Variants in BCAR1 observed in about 807,000 individuals in gnomAD.
BCAR1 encodes the protein BCAR1 scaffold protein, Cas family member.
BCAR1 carries 30 observed loss-of-function variants against 67.6 expected under a neutral mutation model. The ratio of observed to expected loss-of-function variants is 0.44; its 90% CI spans 0.33 to 0.60. The LOEUF (loss-of-function observed/expected upper bound fraction) is 0.60. BCAR1 is among the 20% of genes least tolerant of loss of function. BCAR1 has a pLI of 0.02. For synonymous variants in BCAR1, 626 were observed against 556.7 expected, an observed-to-expected ratio of 1.12 and a Z score of -1.75; for missense variants, 1,313 against 1,222.3, an observed-to-expected ratio of 1.07 and a Z score of -1.11.
chr16:75,266,741 A>C lies in BCAR1; in HGVS notation c.66+1174T>G, dbSNP rs1046662924. On this transcript the variant is annotated intron_variant, in intron 1 of 6. Transcript: ENST00000393422. ...ACTCAAAGGAAGGACCAGGGGTCCGACCCCTCTGTTCTGCTTCCTGGGGAC... is the reference window on the plus strand; with the variant it reads ...ACTCAAAGGAAGGACCAGGGGTCCGCCCCCTCTGTTCTGCTTCCTGGGGAC... 1.0e-5 allele frequency: 15 copies of C among 1,443,648 alleles called. No individual in the cohort carries two copies. The African/African-American group carries it at 2.0e-4, about 19-fold the overall frequency. 89.4% of individuals were successfully genotyped at this position (1,443,648 alleles called of 1,614,324 possible). A position where few individuals can be genotyped will look rare whatever the true frequency, so the allele number is the denominator to read the frequency against.
Position 75,237,282 on chromosome 16 carries a change from G to C in BCAR1, c.696C>G (p.Asp232Glu). The change falls in exon 3 of 7, where the codon GAC becomes GAG. Residue 232 changes from aspartate to glutamate, a missense_variant. By Grantham distance (45) the Asp-to-Glu change is conservative. Around this residue, in one of 2 missense-constraint regions of BCAR1, gnomAD observed 1,272 missense variants for 1,137.5 expected, o/e 1.12. Coordinates refer to ENST00000162330, the MANE Select transcript of BCAR1 (RefSeq NM_014567.5). ...GCAGGTGTCGCGGGATGTCGTACTC[G>C]TCCTGCTCCGGCTGGGCGGCCTCGT... ...YVYEAAQPEQ[D>E]EYDIPRHLLA... 1 of 1,520,820 alleles carries C rather than the reference G, an allele frequency of 6.6e-7. No homozygotes were observed. The highest frequency in any genetic ancestry group is 8.8e-7 in the Non-Finnish European group (1 of 1,137,954). The allele number at this position is 1,520,820 out of a possible 1,614,324, so 94.2% of individuals were successfully genotyped here.
chr16:75,238,061 G>A, intron 2 of BCAR1: 1 of 1,289,000 alleles, frequency 7.8e-7, no homozygotes, highest in Non-Finnish European at 1.0e-6. Context: ...TGGGTCCAGG[G>A]CCAGCCCTCC....
Position 75,229,578 on chromosome 16 carries a change from C to A in BCAR1, c.2546G>T (p.Arg849Met). The change falls in exon 7 of 7, where the codon AGG becomes ATG. Residue 849 changes from arginine (R) to methionine (M), a missense_variant. Arg to Met is a moderately conservative substitution (Grantham distance 91). Coordinates refer to ENST00000162330, the MANE Select transcript of BCAR1 (RefSeq NM_014567.5). The part of the protein sequence containing the change: ...SPSAAQDMVE[R>M]VKELGHSTQQ... ...GGTGCTGTGGCCCAGCTCCTTGACC[C>A]TCTCCACCATGTCCTGGGCCGCGGA... 6.2e-7 allele frequency: 1 copy of A among 1,610,442 alleles called. No individual in the cohort carries two copies.
chr16:75,241,451 G>A (rs1245104849), intron 2 of BCAR1, among the ~76,000 whole-genome samples: 27 of 152,202 alleles, frequency 1.8e-4, no homozygotes, highest in Middle Eastern at 3.4e-3. Flanking sequence ...GCTCCCTGCC[G>A]CCTCCCCAGG....
intron 1 of BCAR1, among the ~76,000 whole-genome samples, chr16:75,267,683 A>C (rs1597299837): frequency 1.5e-4 from 22 of 146,212 alleles, no homozygotes; most frequent in South Asian, 2.2e-4. Context: ...CTCCTTTCCC[A>C]TCTCCCCCAT....
chr16:75,235,872 G>A lies in BCAR1; in HGVS notation c.1027C>T (p.Arg343Cys), dbSNP rs776827778. The A allele has an allele frequency of 2.9e-5, 46 of 1,563,500 alleles. No individual in the cohort carries two copies. Among genetic ancestry groups the A allele is most frequent in the Middle Eastern group, 1.7e-4 (1 of 6,016 alleles). ...FAKAKPFDPA[R>C]TPLVLAAPPP... ...GGCGCAGCCAGTACCAGTGGGGTGC[G>A]GGCCGGGTCAAAGGGCTTGGCCTTG... Residue 343 changes from arginine (R) to cysteine (C), a missense_variant, in exon 5 of 7, where the codon CGC becomes TGC. Arg to Cys is a radical substitution (Grantham distance 180, BLOSUM62 -3). Transcript: ENST00000162330.
chr16:75,259,850 TA>T (rs144448216), intron 1 of BCAR1, among the ~76,000 whole-genome samples: 1,480 of 73,430 alleles, frequency 0.02, 25 homozygotes, highest in African/African-American at 0.07. Context: ...AGACTCCATC[TA>T]AAAAAAAAAA....
At position 75,228,578 on chromosome 16, in the gene BCAR1, G is replaced by C. The variant is rs1261275683; in HGVS notation, c.*933C>G. Reference sequence around the variant, plus strand: ...GCACTTCGGGAGTTCCGCAGGCTGGGATGAGATTCTTTTAAGCAGAGCTCT... The same window carrying C: ...GCACTTCGGGAGTTCCGCAGGCTGGCATGAGATTCTTTTAAGCAGAGCTCT... On this transcript the variant is annotated 3_prime_UTR_variant, in exon 7 of 7. Transcript: ENST00000162330. 1 of 152,366 alleles carries C rather than the reference G, an allele frequency of 6.6e-6. No homozygotes were observed. The highest frequency in any genetic ancestry group is 1.5e-5 in the Non-Finnish European group (1 of 68,116). The allele number at this position is 152,366 out of a possible 1,614,324, so 9.4% of individuals were successfully genotyped here.
intron 2 of BCAR1, among the ~76,000 whole-genome samples, chr16:75,240,493 T>C (rs2077301908): frequency 6.6e-6 from 1 of 152,222 alleles, no homozygotes; most frequent in South Asian, 2.1e-4. Context: ...ATGCTTTTGA[T>C]ATCTAATGTT....
At chr16:75,237,032 A>C in intron 3 of BCAR1, 34 bp from the exon 4 acceptor site, 1 of 1,551,508 alleles carries the variant, frequency 6.4e-7, no homozygotes, top group African/African-American at 1.4e-5. Context: ...TAACGGCGCC[A>C]GGGCCACTTG....
intron 1 of BCAR1, chr16:75,264,324 T>A: frequency 1.4e-6 from 2 of 1,467,514 alleles, no homozygotes; most frequent in South Asian, 2.7e-5. Flanking sequence ...AGAGTGACAT[T>A]CCCTAATCAC....
At position 75,234,042 on chromosome 16, in the gene BCAR1, C is replaced by T. The variant is rs932850934; in HGVS notation, c.2011-107G>A. ...GCTGAGTGGCCACCAGGTGGTGCTG[C>T]GTGTGCGCGCACACACACGCACACG... On this transcript the variant is annotated intron_variant, in intron 5 of 6. Transcript: ENST00000162330. 43 of 1,033,744 alleles carry T rather than the reference C, an allele frequency of 4.2e-5. 1 individual carries two copies. In the Admixed American group the frequency reaches 4.3e-4, roughly 10 times the overall value. 64.0% of individuals were successfully genotyped at this position (1,033,744 alleles called of 1,614,324 possible). A position where few individuals can be genotyped will look rare whatever the true frequency, so the allele number is the denominator to read the frequency against.
chr16:75,240,172 C>T (rs1025599240), intron 2 of BCAR1, among the ~76,000 whole-genome samples: 1 of 152,222 alleles, frequency 6.6e-6, no homozygotes, highest in Admixed American at 6.5e-5. Flanking sequence ...TTGTCACTCA[C>T]CCTCTTGGCT....
intron 2 of BCAR1, chr16:75,238,299 C>A (rs2077213606): frequency 7.8e-6 from 9 of 1,146,670 alleles, no homozygotes; most frequent in South Asian, 1.7e-5. Flanking sequence ...GGGCACACTG[C>A]GCCCACACGC....
chr16:75,238,283 G>GC, intron 2 of BCAR1: 1 of 1,159,996 alleles, frequency 8.6e-7, no homozygotes. Context: ...GGATTCTCCA[G>GC]CCCCCGGGCA....
Position 75,228,616 on chromosome 16 carries a change from C to CA in BCAR1, c.*894dup, listed in dbSNP as rs963690339. On this transcript the variant is annotated 3_prime_UTR_variant, in exon 7 of 7. Coordinates refer to ENST00000162330, the MANE Select transcript of BCAR1 (RefSeq NM_014567.5). ...TAAGCAGAGCTCTGGATGCAGCCCC[C>CA]AGCGGTGCCCTCGGCTCACAGGAAC... The CA allele has an allele frequency of 2.0e-5, 3 of 152,338 alleles. No homozygotes were observed. The highest frequency in any genetic ancestry group is 4.8e-5 in the African/African-American group (2 of 41,466). The allele number at this position is 152,338 out of a possible 1,614,324, so 9.4% of individuals were successfully genotyped here.
In BCAR1 at chr16:75,229,755, T is replaced by C. The variant is rs1323754944; in HGVS notation, c.2369A>G (p.His790Arg). ...AHSKFVILSA[H>R]KLVFIGDTLS... ...TGTGTCCCCGATGAACACCAGCTTG[T>C]GGGCGCTGAGGATGACGAACTTGCT... The change falls in exon 7 of 7, where the codon CAC becomes CGC. Residue 790 changes from histidine (H) to arginine (R), a missense_variant. Transcript: ENST00000162330. 1 of 1,613,446 alleles carries C rather than the reference T, an allele frequency of 6.2e-7. No individual in the cohort carries two copies. Among genetic ancestry groups the C allele is most frequent in the Non-Finnish European group, 8.5e-7 (1 of 1,179,994 alleles).
At chr16:75,238,120 C>A (rs1372425452) in intron 2 of BCAR1, 2 of 1,288,148 alleles carry the variant, frequency 1.6e-6, no homozygotes, top group Admixed American at 2.3e-5. Context: ...AAGCCAAGGC[C>A]CGCACAGTGG....
rs1464176275 is a variant in BCAR1, at chr16:75,236,694, C to T, written c.912+188G>A. On this transcript the variant is annotated intron_variant, in intron 4 of 6. Coordinates refer to ENST00000162330, the MANE Select transcript of BCAR1 (RefSeq NM_014567.5). The stretch of plus-strand genomic sequence containing the variant: ...GCCTCGCAACAGGCGGTTCTGCCGA[C>T]AAAGAACCTGAGGCTCAGAAGACAG... The T allele has an allele frequency of 3.3e-6, 4 of 1,218,980 alleles. No homozygotes were observed. In the African/African-American group the frequency reaches 6.2e-5, roughly 19 times the overall value. 75.5% of individuals were successfully genotyped at this position (1,218,980 alleles called of 1,614,324 possible).
Sources: allele counts gnomAD v4.1 joint callset (sites outside exome capture counted in the v4.1 genomes callset), GRCh38; gene constraint gnomAD v4.1.1; regional missense constraint gnomAD v4.1.1; transcripts MANE v1.5; gene names NCBI Gene and HGNC (gene_info 2026-07-23, HGNC 2026-07-21).